Variants in CARS1 observed in about 807,000 individuals in gnomAD.
CARS1 encodes cysteine--tRNA ligase, cytoplasmic.
In CARS1, 48 loss-of-function variants were observed where a neutral mutation model predicts 106.2. That is an observed-to-expected ratio of 0.45 (90% CI 0.36 to 0.57). The LOEUF is 0.57. CARS1 is among the 20% of genes least tolerant of loss of function. The pLI is 0.00. For synonymous variants in CARS1, 409 were observed against 403.4 expected (o/e 1.01, Z -0.17); for missense variants, 968 against 1,057.2 (o/e 0.92, Z 1.17).
chr11:3,016,482 C>T (rs1338424058), intron 16 of CARS1, among the ~76,000 whole-genome samples: 2 of 152,168 alleles, frequency 1.3e-5, no homozygotes, highest in Non-Finnish European at 2.9e-5. Flanking sequence ...CTTGGCCTCC[C>T]AAAGTGCTGG....
In CARS1 at chr11:3,034,520, C is replaced by T. The variant is rs1165979057; in HGVS notation, c.801+3530G>A. 4.6e-5 allele frequency among the ~76,000 whole-genome samples: 7 copies of T among 151,788 alleles called. No homozygotes were observed. Among genetic ancestry groups the T allele is most frequent in the South Asian group, 2.1e-4 (1 of 4,798 alleles). On this transcript the variant is annotated intron_variant, in intron 7 of 22. Transcript: ENST00000380525. The surrounding 1 kb of genome is among the most constrained non-coding windows in gnomAD (Gnocchi z 6.3). ...ACAGGCGTGACCCACTGCGCCTGGC[C>T]GGGAATGGGTAAAATTTTTTTTCTT...
rs1276728278 is a variant in CARS1, at chr11:3,012,282, G to T, written c.1987-6C>A. 6 of 1,613,834 alleles carry T rather than the reference G, an allele frequency of 3.7e-6. No homozygotes were observed. The highest frequency in any genetic ancestry group is 5.1e-6 in the Non-Finnish European group (6 of 1,179,786). ...GGCATGACTGTGGCCTCGAGCTGCG[G>T]AAAGAACAGTTTTGGTTCACTGAGA... is the stretch of plus-strand genomic sequence containing the variant. On this transcript the variant is annotated splice_region_variant and splice_polypyrimidine_tract_variant and intron_variant, in intron 17 of 22. Coordinates refer to ENST00000380525, the MANE Select transcript of CARS1 (RefSeq NM_001014437.3).
At chr11:3,035,141 A>C (rs1035970280) in intron 7 of CARS1, among the ~76,000 whole-genome samples, 5 of 152,184 alleles carry the variant, frequency 3.3e-5, no homozygotes, top group Non-Finnish European at 7.3e-5. Context: ...ATACTGTTAC[A>C]CTAGGGATTA....
Position 3,020,003 on chromosome 11 carries a change from CAG to C in CARS1, c.1266+215_1266+216del, listed in dbSNP as rs1851423690. Among the ~76,000 whole-genome samples the C allele has an allele frequency of 6.6e-6, 1 of 152,216 alleles. No homozygotes were observed. Among genetic ancestry groups the C allele is most frequent in the Admixed American group, 6.5e-5 (1 of 15,280 alleles). On this transcript the variant is annotated intron_variant, in intron 11 of 22. Transcript: ENST00000380525. The surrounding 1 kb of genome is among the most constrained non-coding windows in gnomAD (Gnocchi z 4.6). ...ACATCTCCACTTACAGACCAGAAAA[CAG>C]AAATCCCAGGAGGGAAGTGATTTGT... is the stretch of plus-strand genomic sequence containing the variant.
chr11:3,028,755 C>A lies in CARS1; in HGVS notation c.1031+241G>T. The A allele has an allele frequency of 1.9e-6, 1 of 525,132 alleles. No individual in the cohort carries two copies. The highest frequency in any genetic ancestry group is 3.0e-5 in the East Asian group (1 of 33,116). The allele number at this position is 525,132 out of a possible 1,614,324, so 32.5% of individuals were successfully genotyped here. On this transcript the variant is annotated intron_variant, in intron 9 of 22. Transcript: ENST00000380525. The surrounding 1 kb of genome is among the most constrained non-coding windows in gnomAD (Gnocchi z 4.4). The stretch of plus-strand genomic sequence containing the variant: ...GCCCCATGACTGATGGTCTTGGCTG[C>A]CGAGCTTCCCAGCAGATTCTGGGTT...
chr11:3,013,254 G>A (rs1309297365), intron 17 of CARS1, among the ~76,000 whole-genome samples: 1 of 151,786 alleles, frequency 6.6e-6, no homozygotes, highest in Non-Finnish European at 1.5e-5. Flanking sequence ...CCAGGTTCAA[G>A]CGATTCTCCT....
In CARS1 at chr11:3,028,876, G is replaced by T; in HGVS notation, c.1031+120C>A. On this transcript the variant is annotated intron_variant, in intron 9 of 22. Coordinates refer to ENST00000380525, the MANE Select transcript of CARS1 (RefSeq NM_001014437.3). The surrounding 1 kb of genome is among the most constrained non-coding windows in gnomAD (Gnocchi z 4.4). ...AGGAGGAAGTCTGCTGGGACTTCTA[G>T]CTACGCAGCCCCAGAACACCTGCTC... 1.4e-6 allele frequency: 1 copy of T among 734,286 alleles called. No individual in the cohort carries two copies. Among genetic ancestry groups the T allele is most frequent in the Non-Finnish European group, 2.4e-6 (1 of 414,746 alleles). 45.5% of individuals were successfully genotyped at this position (734,286 alleles called of 1,614,324 possible). A position where few individuals can be genotyped will look rare whatever the true frequency, so the allele number is the denominator to read the frequency against.
rs1321638252 is a variant in CARS1, at chr11:3,008,366, A to C, written c.2069-1407T>G. The stretch of plus-strand genomic sequence containing the variant: ...GCAGGCACGGTGGCTCATGACTGTA[A>C]TCCCAGCACTTTTGGAGGCTGAGGC... On this transcript the variant is annotated intron_variant, in intron 18 of 22. Coordinates refer to ENST00000380525, the MANE Select transcript of CARS1 (RefSeq NM_001014437.3). This position sits in a 1 kb window ranked among gnomAD's most constrained non-coding sequence, Gnocchi z 5.1. 6.6e-6 allele frequency: 1 copy of C among 152,262 alleles called. No homozygotes were observed. Among genetic ancestry groups the C allele is most frequent in the Non-Finnish European group, 1.5e-5 (1 of 68,106 alleles). 9.4% of individuals were successfully genotyped at this position (152,262 alleles called of 1,614,324 possible). A position where few individuals can be genotyped will look rare whatever the true frequency, so the allele number is the denominator to read the frequency against.
At position 3,039,075 on chromosome 11, in the gene CARS1, G is replaced by A. The variant is rs1854065809; in HGVS notation, c.651+119C>T. The A allele has an allele frequency of 1.5e-6, 1 of 664,612 alleles. No individual in the cohort carries two copies. The highest frequency in any genetic ancestry group is 2.7e-5 in the East Asian group (1 of 36,476). The allele number at this position is 664,612 out of a possible 1,614,324, so 41.2% of individuals were successfully genotyped here. On this transcript the variant is annotated intron_variant, in intron 6 of 22. Transcript: ENST00000380525. The surrounding 1 kb of genome is among the most constrained non-coding windows in gnomAD (Gnocchi z 5.6). The stretch of plus-strand genomic sequence containing the variant: ...AGCGCCCCTGACGGAACTGGCTTGA[G>A]TAACATACACTTTGTGAAAGCCTGT...
intron 17 of CARS1, among the ~76,000 whole-genome samples, chr11:3,012,813 C>A (rs181879226): frequency 1.4e-4 from 21 of 151,866 alleles, no homozygotes; most frequent in African/African-American, 4.6e-4. Context: ...AGCAGCTACA[C>A]GTAGATTCAC....
chr11:3,035,749 G>A (rs1853528857), intron 7 of CARS1, among the ~76,000 whole-genome samples: 1 of 152,206 alleles, frequency 6.6e-6, no homozygotes, highest in Non-Finnish European at 1.5e-5. Flanking sequence ...GCTTCCCAAA[G>A]TGCTGGGATT....
At chr11:3,010,461 C>T (rs534940990) in intron 18 of CARS1, among the ~76,000 whole-genome samples, 1 of 152,368 alleles carries the variant, frequency 6.6e-6, no homozygotes, top group South Asian at 2.1e-4. Context: ...TAGGCTGGTC[C>T]AGGCTTGGTT....
Position 3,018,766 on chromosome 11 carries a change from A to G in CARS1, c.1396-17T>C, listed in dbSNP as rs1450651407. ...AAAGTAGGCCTGCGTGGAAAGAGAC[A>G]AAGGATGTCAACAGTCATGTGTTAC... is the stretch of plus-strand genomic sequence containing the variant. On this transcript the variant is annotated splice_polypyrimidine_tract_variant and intron_variant, in intron 12 of 22. Transcript: ENST00000380525. The G allele has an allele frequency of 6.2e-7, 1 of 1,610,782 alleles. No homozygotes were observed. The highest frequency in any genetic ancestry group is 1.7e-5 in the Admixed American group (1 of 59,766).
rs373891738 is a variant in CARS1 at position 3,015,809 on chromosome 11, G to A, written c.1958C>T (p.Pro653Leu). The change falls in exon 17 of 23, where the codon CCG (proline) becomes CTG (leucine). Residue 653 changes from proline to leucine, a missense_variant. By Grantham distance (98) the Pro-to-Leu change is moderately conservative. Transcript: ENST00000380525. Reference protein sequence around the residue: ...AVEEDSSLGFPVGGPGTSLSL... With the variant: ...AVEEDSSLGFLVGGPGTSLSL... ...GAGGCTGGTTCCAGGCCCTCCGACC[G>A]GGAATCCCAGGGAGCTGTCCTCTTC... 37 of 1,614,026 alleles carry A rather than the reference G, an allele frequency of 2.3e-5. No homozygotes were observed. The highest frequency in any genetic ancestry group is 6.7e-5 in the East Asian group (3 of 44,884).
chr11:3,006,344 G>C (rs1211903121), intron 19 of CARS1, among the ~76,000 whole-genome samples: 3 of 152,204 alleles, frequency 2.0e-5, no homozygotes, highest in African/African-American at 7.2e-5. Flanking sequence ...TACTCGGGAG[G>C]CTGAGGCAGG....
intron 10 of CARS1, among the ~76,000 whole-genome samples, chr11:3,025,628 G>A (rs1341189696): frequency 6.6e-6 from 1 of 152,256 alleles, no homozygotes. Context: ...GACAGGCGGG[G>A]TGGGGGTGCA....
Position 3,029,600 on chromosome 11 carries a change from C to A in CARS1, c.802-157G>T, listed in dbSNP as rs1344588991. The A allele has an allele frequency of 9.9e-6, 7 of 704,816 alleles. No individual in the cohort carries two copies. In the East Asian group the frequency reaches 1.9e-4, roughly 19 times the overall value. The allele number at this position is 704,816 out of a possible 1,614,324, so 43.7% of individuals were successfully genotyped here. A position where few individuals can be genotyped will look rare whatever the true frequency, so the allele number is the denominator to read the frequency against. ...TCCTAGGGAGACTGTGATGCTTACA[C>A]AACTGGCTCGGCAGGGACAAATACA... On this transcript the variant is annotated intron_variant, in intron 7 of 22. Coordinates refer to ENST00000380525, the MANE Select transcript of CARS1 (RefSeq NM_001014437.3). The surrounding 1 kb of genome is among the most constrained non-coding windows in gnomAD (Gnocchi z 5.9).
intron 18 of CARS1, 23 bp from the exon 19 acceptor site, chr11:3,006,982 C>G: frequency 2.5e-6 from 4 of 1,602,344 alleles, no homozygotes; most frequent in Non-Finnish European, 3.4e-6. Context: ...CAGAGCAGTT[C>G]CCTCAGACAT....
chr11:3,016,435 G>A (rs572992786), intron 16 of CARS1, among the ~76,000 whole-genome samples: 2 of 152,008 alleles, frequency 1.3e-5, no homozygotes, highest in South Asian at 2.1e-4. Flanking sequence ...GTGTTAGTCA[G>A]GATGGTCTCC....
Sources: gnomAD v4.1 joint callset for allele counts (sites outside exome capture counted in the v4.1 genomes callset) on GRCh38, gnomAD v4.1.1 for gene constraint, Gnocchi (gnomAD v3.1) non-coding constraint, MANE v1.5 for transcripts, NCBI Gene and HGNC (gene_info 2026-07-23, HGNC 2026-07-21) for gene names.